The following CTNNA2 variants were observed in gnomAD, a reference collection of about 807,000 sequenced individuals.
The protein encoded by CTNNA2 is catenin alpha 2.
CTNNA2 carries 42 observed loss-of-function variants against 101.0 expected under a neutral mutation model. The observed-to-expected ratio is 0.42, with a 90% CI of 0.32 to 0.54. The LOEUF is 0.54. CTNNA2 is among the 20% of genes least tolerant of loss of function. CTNNA2 has a pLI of 0.14. For missense variants in CTNNA2, 871 were observed against 1,223.1 expected, an observed-to-expected ratio of 0.71 and a Z score of 4.29; for synonymous variants, 450 against 456.4, an observed-to-expected ratio of 0.99 and a Z score of 0.18.
At position 79,856,468 on chromosome 2, in the gene CTNNA2, C is replaced by A. The variant is rs182718211; in HGVS notation, c.299-1545C>A. On this transcript the variant is annotated intron_variant, in intron 3 of 18. Transcript: ENST00000402739. ...AGTAGGTGAGTAGTAATCATTACTA[C>A]AAAAATTGAATAAATTGTTTGATCT... Among the ~76,000 whole-genome samples, 605 of 152,280 alleles carry A rather than the reference C, an allele frequency of 4.0e-3. 7 individuals carry two copies. Among genetic ancestry groups the A allele is most frequent in the African/African-American group, 0.014 (584 of 41,552 alleles).
At chr2:79,461,033 G>C (rs1302912108) in intron 4 of CTNNA2, among the ~76,000 whole-genome samples, 1 of 151,906 alleles carries the variant, frequency 6.6e-6, no homozygotes, top group East Asian at 1.9e-4. Context: ...GTAGAGACGA[G>C]ATTTCACTAT....
intron 7 of CTNNA2, among the ~76,000 whole-genome samples, chr2:80,372,682 C>CTTTTTTTTTTTTTTT (rs57178483): frequency 7.0e-6 from 1 of 142,376 alleles, no homozygotes; most frequent in Non-Finnish European, 1.5e-5. Flanking sequence ...GGGAAAACAG[C>CTTTTTTTTTTTTTTT]TTTTTTTTTT....
chr2:80,082,149 A>G (rs1699192184), intron 7 of CTNNA2, among the ~76,000 whole-genome samples: 1 of 152,134 alleles, frequency 6.6e-6, no homozygotes, highest in Non-Finnish European at 1.5e-5. Context: ...TTTTTGAGTC[A>G]TATTTTGTCA....
At chr2:79,646,604 C>A (rs1044612631) in intron 1 of CTNNA2, among the ~76,000 whole-genome samples, 1 of 144,134 alleles carries the variant, frequency 6.9e-6, no homozygotes, top group Admixed American at 7.1e-5. Flanking sequence ...TCATGACTCA[C>A]TGAAGCCTCG....
intron 17 of CTNNA2, among the ~76,000 whole-genome samples, chr2:80,613,625 C>T: frequency 6.6e-6 from 1 of 150,832 alleles, no homozygotes; most frequent in East Asian, 2.0e-4. Context: ...TCAGTTATGG[C>T]CATTAAAAAA....
At chr2:79,893,910 T>C (rs1037836366) in intron 6 of CTNNA2, among the ~76,000 whole-genome samples, 6 of 152,190 alleles carry the variant, frequency 3.9e-5, no homozygotes, top group Admixed American at 3.9e-4. Flanking sequence ...GTATGTAACA[T>C]CTGAATTTGA....
At chr2:79,922,792 C>G (rs1349603126) in intron 7 of CTNNA2, among the ~76,000 whole-genome samples, 1 of 152,126 alleles carries the variant, frequency 6.6e-6, no homozygotes, top group African/African-American at 2.4e-5. Flanking sequence ...CGCCCAAGGT[C>G]ACATGTTTAG....
chr2:79,391,982 T>C (rs966929074), intron 4 of CTNNA2, among the ~76,000 whole-genome samples: 2 of 152,146 alleles, frequency 1.3e-5, no homozygotes, highest in African/African-American at 4.8e-5. Flanking sequence ...GGTGTCTCTG[T>C]GTGTGTCCAG....
chr2:80,508,911 C>T (rs1201859437), intron 9 of CTNNA2, among the ~76,000 whole-genome samples: 2 of 152,152 alleles, frequency 1.3e-5, no homozygotes, highest in African/African-American at 4.8e-5. Context: ...ATGGGTGACA[C>T]ATCCTCATTT....
chr2:79,322,543 T>C lies in CTNNA2; in HGVS notation c.-318+9747T>C, dbSNP rs190340931. Among the ~76,000 whole-genome samples, 51 of 152,330 alleles carry C rather than the reference T, an allele frequency of 3.3e-4. No individual in the cohort carries two copies. The East Asian group carries it at 6.2e-3, about 18-fold the overall frequency. ...AAAATACTCTTAGCCCAGATATTTC[T>C]TTCCATATGATACATCTGCTGGTTG... On this transcript the variant is annotated intron_variant, in intron 3 of 21. Coordinates refer to the CTNNA2 transcript ENST00000466387.
At chr2:79,321,153 A>G (rs112342006) in intron 3 of CTNNA2, among the ~76,000 whole-genome samples, 10 of 152,248 alleles carry the variant, frequency 6.6e-5, no homozygotes, top group African/African-American at 2.4e-4. Context: ...TTTAATAATC[A>G]CACCAACTTT....
At chr2:80,499,089 C>T (rs1352076769) in intron 9 of CTNNA2, among the ~76,000 whole-genome samples, 1 of 152,166 alleles carries the variant, frequency 6.6e-6, no homozygotes, top group African/African-American at 2.4e-5. Flanking sequence ...AGGGCTGTCT[C>T]CATAATATTT....
intron 1 of CTNNA2, among the ~76,000 whole-genome samples, chr2:79,527,360 C>T (rs13014954): frequency 0.34 from 51,901 of 150,882 alleles, 9,326 homozygotes; most frequent in East Asian, 0.39. Flanking sequence ...AGGCCAGGCG[C>T]GGTGCCTCAC....
chr2:80,380,028 CTTTTTTTTTTTTT>C (rs769794108), intron 7 of CTNNA2, among the ~76,000 whole-genome samples: 1 of 86,542 alleles, frequency 1.2e-5, no homozygotes, highest in East Asian at 3.8e-4. Flanking sequence ...TCGAGATGTA[CTTTTTTTTTTTTT>C]TTTTTTTTTT....
At chr2:79,648,577 T>TG (rs1363005339) in intron 1 of CTNNA2, among the ~76,000 whole-genome samples, 2 of 152,164 alleles carry the variant, frequency 1.3e-5, no homozygotes, top group African/African-American at 4.8e-5. Flanking sequence ...ACTGTAAAGA[T>TG]GATACCAGCT....
chr2:79,292,308 T>C (rs939545527), intron 2 of CTNNA2, among the ~76,000 whole-genome samples: 3 of 152,168 alleles, frequency 2.0e-5, no homozygotes, highest in Non-Finnish European at 4.4e-5. Flanking sequence ...ATGCTATTTA[T>C]TGGAGCACTG....
Position 80,608,324 on chromosome 2 carries a change from C to A in CTNNA2, c.2430+6C>A. ...GAGAGCTCATTGTGTCAGGGGTAAGCTGGACTTGGGCTTCACAATGTAAAG... is the reference window on the plus strand; with the variant it reads ...GAGAGCTCATTGTGTCAGGGGTAAGATGGACTTGGGCTTCACAATGTAAAG... On this transcript the variant is annotated splice_donor_region_variant and intron_variant, in intron 17 of 18. Coordinates refer to ENST00000402739, the MANE Select transcript of CTNNA2 (RefSeq NM_001282597.3). The A allele has an allele frequency of 6.2e-7, 1 of 1,606,576 alleles. No homozygotes were observed. The highest frequency in any genetic ancestry group is 8.5e-7 in the Non-Finnish European group (1 of 1,174,738).
chr2:79,906,793 T>C lies in CTNNA2; in HGVS notation c.853-2801T>C, dbSNP rs144800868. Among the ~76,000 whole-genome samples the C allele has an allele frequency of 1.2e-3, 181 of 152,308 alleles. 4 individuals carry two copies. The highest frequency in any genetic ancestry group is 4.3e-3 in the African/African-American group (178 of 41,572). ...GCAGCACTTTCCATGCTCGAATAGA[T>C]TTGGGAAACGCTACAGTGAACTGAC... On this transcript the variant is annotated intron_variant, in intron 6 of 18. Coordinates refer to ENST00000402739, the MANE Select transcript of CTNNA2 (RefSeq NM_001282597.3).
At chr2:80,540,362 C>G (rs568440089) in intron 9 of CTNNA2, among the ~76,000 whole-genome samples, 2 of 152,038 alleles carry the variant, frequency 1.3e-5, no homozygotes, top group Admixed American at 1.3e-4. Flanking sequence ...TTTGGGAGGC[C>G]GAGGCAAGTG....
Sources: gnomAD v4.1 joint callset for allele counts (sites outside exome capture counted in the v4.1 genomes callset) on GRCh38, gnomAD v4.1.1 for gene constraint, MANE v1.5 for transcripts, NCBI Gene and HGNC (gene_info 2026-07-23, HGNC 2026-07-21) for gene names.